Variants in POMZP3 observed in about 807,000 individuals in gnomAD.
POMZP3 encodes POM121 and ZP3 fusion.
A neutral mutation model predicts 19.8 loss-of-function variants in POMZP3; 10 were observed. That is an observed-to-expected ratio of 0.51 (90% confidence interval 0.31 to 0.86). The LOEUF (loss-of-function observed/expected upper bound fraction) is 0.86, where lower values mean the gene tolerates loss of function less well. POMZP3 is among the 40% of genes least tolerant of loss of function. The pLI is 0.04. For synonymous variants in POMZP3, 57 were observed against 85.8 expected, an observed-to-expected ratio of 0.66 and a Z score of 1.85; for missense variants, 152 against 228.1, an observed-to-expected ratio of 0.67 and a Z score of 2.15.
intron 4 of POMZP3, among the ~76,000 whole-genome samples, chr7:76,613,384 C>CG (rs1395605526): frequency 8.0e-6 from 1 of 124,588 alleles, no homozygotes; most frequent in East Asian, 2.5e-4. Context: ...CTCTGGGAAA[C>CG]GTTTACCCAC....
chr7:76,620,020 TAAA>T (rs75646999), intron 3 of POMZP3, among the ~76,000 whole-genome samples: 3 of 62,922 alleles, frequency 4.8e-5, no homozygotes, highest in South Asian at 5.1e-4. Flanking sequence ...TCTTGTCTCT[TAAA>T]AAAAAAAAGG....
At position 76,626,707 on chromosome 7, in the gene POMZP3, C is replaced by T; in HGVS notation, c.-152+1G>A. 7.2e-7 allele frequency: 1 copy of T among 1,382,104 alleles called. No individual in the cohort carries two copies. Among genetic ancestry groups the T allele is most frequent in the East Asian group, 2.9e-5 (1 of 35,064 alleles). The allele number at this position is 1,382,104 out of a possible 1,614,324, so 85.6% of individuals were successfully genotyped here. ...GATCTGGGAAAATCAGCGCATCTCA[C>T]CGTGGGGAAGGCCTCCCGGAGGGTC... On this transcript the variant is annotated splice_donor_variant, in intron 1 of 6. Coordinates refer to ENST00000310842, the MANE Select transcript of POMZP3 (RefSeq NM_012230.5). LOFTEE classifies it low-confidence loss of function (5UTR_SPLICE).
chr7:76,624,573 G>A (rs1420576535), intron 3 of POMZP3, among the ~76,000 whole-genome samples: 2 of 151,320 alleles, frequency 1.3e-5, no homozygotes, highest in Admixed American at 6.6e-5. Flanking sequence ...AGCCTCTGGA[G>A]TAGCTGGGAC....
At chr7:76,611,943 A>G (rs1163726715) in intron 4 of POMZP3, 130 bp from the exon 5 acceptor site, 34 of 1,507,680 alleles carry the variant, frequency 2.3e-5, no homozygotes, top group Non-Finnish European at 3.0e-5. Context: ...ACACACCTAT[A>G]ATCCCAGCAC....
rs1327492048 is a variant in POMZP3 at position 76,615,968 on chromosome 7, CCT to C, written c.345+2213_345+2214del. The stretch of plus-strand genomic sequence containing the variant: ...GTACTCCAGCCTGGGTGACAGAGAC[CCT>C]CTCAAAAAAAAAAAAAAAAGGGGGG... On this transcript the variant is annotated intron_variant, in intron 4 of 6. Coordinates refer to ENST00000310842, the MANE Select transcript of POMZP3 (RefSeq NM_012230.5). Among the ~76,000 whole-genome samples, 10 of 43,036 alleles carry C rather than the reference CCT, an allele frequency of 2.3e-4. 2 individuals carry two copies. The highest frequency in any genetic ancestry group is 4.3e-4 in the Non-Finnish European group (10 of 23,476). The allele number at this position is 43,036 out of a possible 152,430, so 28.2% of individuals were successfully genotyped here.
In POMZP3 at chr7:76,610,187, C is replaced by A. The variant is rs554052644; in HGVS notation, c.*40G>T. The A allele has an allele frequency of 4.7e-6, 7 of 1,490,746 alleles. No homozygotes were observed. In the East Asian group the frequency reaches 1.7e-4, roughly 36 times the overall value. The allele number at this position is 1,490,746 out of a possible 1,614,324, so 92.3% of individuals were successfully genotyped here. ...CCCTCCTGTCCAGGAAGATCAGTGG[C>A]CCCACGGTGACATCTGCTTCTTCTG... On this transcript the variant is annotated 3_prime_UTR_variant, in exon 7 of 7. Transcript: ENST00000310842.
intron 3 of POMZP3, among the ~76,000 whole-genome samples, chr7:76,623,322 T>A (rs1379514742): frequency 2.6e-5 from 4 of 151,772 alleles, no homozygotes; most frequent in Non-Finnish European, 5.9e-5. Context: ...GGTCAGGAAC[T>A]AGTGCCACCT....
rs1205418797 is a variant in POMZP3 at position 76,627,119 on chromosome 7, C to A, written c.-563G>T. Reference sequence around the variant, plus strand: ...GTCCCCACGGCCAGCCAGGCCAGCGCAGCCGCAGCAGGCACGAGGTACAGT... The same window carrying A: ...GTCCCCACGGCCAGCCAGGCCAGCGAAGCCGCAGCAGGCACGAGGTACAGT... On this transcript the variant is annotated 5_prime_UTR_variant, in exon 1 of 7. Transcript: ENST00000310842. The A allele has an allele frequency of 2.2e-6, 3 of 1,373,324 alleles. No individual in the cohort carries two copies. The African/African-American group carries it at 4.4e-5, about 20-fold the overall frequency. The allele number at this position is 1,373,324 out of a possible 1,614,324, so 85.1% of individuals were successfully genotyped here. A position where few individuals can be genotyped will look rare whatever the true frequency, so the allele number is the denominator to read the frequency against.
chr7:76,625,888 A>C, intron 2 of POMZP3, 112 bp downstream of exon 2: 5 of 1,504,126 alleles, frequency 3.3e-6, no homozygotes, highest in Non-Finnish European at 4.5e-6. Flanking sequence ...TCATTCAAAC[A>C]AGCAGATTCG....
At chr7:76,621,352 G>A (rs1815548539) in intron 3 of POMZP3, 2 of 146,988 alleles carry the variant, frequency 1.4e-5, no homozygotes, top group African/African-American at 5.2e-5. Context: ...TTCTGCTTGG[G>A]TTTTCATGAT....
In POMZP3 at chr7:76,626,058, A is replaced by AG. The variant is rs1343322708; in HGVS notation, c.6_7insC (p.Cys3LeufsTer2). On this transcript the variant is annotated frameshift_variant, in exon 2 of 7. Coordinates refer to ENST00000310842, the MANE Select transcript of POMZP3 (RefSeq NM_012230.5). LOFTEE classifies it high-confidence loss of function. ...GCGATCCTCAGAGTCACTGGGCTAC[A>AG]CACCATCCTGGAGTTGCGAGGGGAC... 1 of 1,613,744 alleles carries AG rather than the reference A, an allele frequency of 6.2e-7. No homozygotes were observed. Among genetic ancestry groups the AG allele is most frequent in the African/African-American group, 1.3e-5 (1 of 74,922 alleles).
chr7:76,625,231 A>G (rs1189221347), intron 3 of POMZP3, among the ~76,000 whole-genome samples: 2 of 149,916 alleles, frequency 1.3e-5, no homozygotes, highest in African/African-American at 2.5e-5. Flanking sequence ...TCTTTCTTGA[A>G]AATAAACTTT....
rs570484973 is a variant in POMZP3 at position 76,611,495 on chromosome 7, C to G, written c.534G>C (p.Val178=). 5.6e-6 allele frequency: 9 copies of G among 1,604,444 alleles called. No homozygotes were observed. The highest frequency in any genetic ancestry group is 5.4e-5 in the African/African-American group (4 of 74,440). The part of the protein sequence containing the change: ...PSHSRRQPRV[V]SQWSTSASL ...GGGAAGCAGACGTGGACCACTGGCT[C>G]ACGACACGAGGCTGCCTCCTGGAAT... Residue 178 remains valine (V), a synonymous_variant, in exon 6 of 7, where the codon GTG becomes GTC. Transcript: ENST00000310842.
intron 3 of POMZP3, among the ~76,000 whole-genome samples, chr7:76,624,977 A>C (rs1477318112): frequency 6.6e-6 from 1 of 150,784 alleles, no homozygotes; most frequent in Non-Finnish European, 1.5e-5. Flanking sequence ...CTAAAAATAC[A>C]AAAAAATTAG....
chr7:76,611,516 G>C lies in POMZP3; in HGVS notation c.513C>G (p.Ser171=), dbSNP rs1259511482. Residue 171 remains serine (S), a synonymous_variant, in exon 6 of 7, where the codon TCC becomes TCG. Transcript: ENST00000310842. ...NKGDCGTPSH[S]RRQPRVVSQW... is the part of the protein sequence containing the mutation. ...GGCTCACGACACGAGGCTGCCTCCTGGAATGGCTTGGAGTGCCACAGTCAC... is the reference window on the plus strand; with the variant it reads ...GGCTCACGACACGAGGCTGCCTCCTCGAATGGCTTGGAGTGCCACAGTCAC... 2 of 1,605,152 alleles carry C rather than the reference G, an allele frequency of 1.2e-6. No individual in the cohort carries two copies. Among genetic ancestry groups the C allele is most frequent in the Non-Finnish European group, 1.7e-6 (2 of 1,172,590 alleles).
chr7:76,622,220 G>C (rs1815603668), intron 3 of POMZP3, among the ~76,000 whole-genome samples: 1 of 151,820 alleles, frequency 6.6e-6, no homozygotes. Context: ...GGGCTGCTCT[G>C]TCTATGGAAT....
intron 3 of POMZP3, among the ~76,000 whole-genome samples, chr7:76,620,861 A>ATTTTTTTT (rs56084078): frequency 3.5e-4 from 27 of 76,200 alleles, no homozygotes; most frequent in East Asian, 1.9e-3. Context: ...CTGTAAAGCC[A>ATTTTTTTT]TTTTTTTTTT....
chr7:76,618,462 A>T, intron 3 of POMZP3, 162 bp from the exon 4 acceptor site: 1 of 929,780 alleles, frequency 1.1e-6, no homozygotes, highest in Non-Finnish European at 1.6e-6. Flanking sequence ...TCTCTACTAA[A>T]AATACAAAAA....
Position 76,627,173 on chromosome 7 carries a change from G to A in POMZP3, c.-617C>T. ...AGGCCGACCAGCGACAGGCCGAGAA[G>A]CGCCGCCCCGGCCGGCCCTGACACT... is the stretch of plus-strand genomic sequence containing the variant. On this transcript the variant is annotated 5_prime_UTR_variant, in exon 1 of 7. Coordinates refer to ENST00000310842, the MANE Select transcript of POMZP3 (RefSeq NM_012230.5). 2.8e-6 allele frequency: 4 copies of A among 1,443,878 alleles called. 1 individual carries two copies. Among genetic ancestry groups the A allele is most frequent in the Non-Finnish European group, 3.7e-6 (4 of 1,087,192 alleles). 89.4% of individuals were successfully genotyped at this position (1,443,878 alleles called of 1,614,324 possible). A position where few individuals can be genotyped will look rare whatever the true frequency, so the allele number is the denominator to read the frequency against.
Sources: gnomAD v4.1 joint callset for allele counts (sites outside exome capture counted in the v4.1 genomes callset) on GRCh38, gnomAD v4.1.1 for gene constraint, MANE v1.5 for transcripts, NCBI Gene and HGNC (gene_info 2026-07-23, HGNC 2026-07-21) for gene names.